CRISPLD2: variants seen among roughly 807,000 people sequenced by gnomAD.
The protein encoded by CRISPLD2 is cysteine rich secretory protein LCCL domain containing 2, also known as cysteine-rich secretory protein LCCL domain-containing 2.
Under a neutral mutation model 71.1 loss-of-function variants are expected in CRISPLD2, and 47 were observed. The ratio of observed to expected loss-of-function variants is 0.66; its 90% CI spans 0.52 to 0.84. CRISPLD2 has a LOEUF of 0.84. Among genes scored for constraint, CRISPLD2 ranks in the 40% least tolerant of loss-of-function variants. CRISPLD2 has a pLI of 0.00. For missense variants in CRISPLD2, 830 were observed against 651.1 expected (o/e 1.27, Z -2.99); for synonymous variants, 317 against 250.1 (o/e 1.27, Z -2.52).
rs145010869 is a variant in CRISPLD2, at chr16:84,877,102, T to G, written c.1157-336T>G. Among the ~76,000 whole-genome samples, 224 of 152,160 alleles carry G rather than the reference T, an allele frequency of 1.5e-3. 1 individual carries two copies. Among genetic ancestry groups the G allele is most frequent in the African/African-American group, 5.3e-3 (221 of 41,498 alleles). On this transcript the variant is annotated intron_variant, in intron 11 of 14. Coordinates refer to ENST00000262424, the MANE Select transcript of CRISPLD2 (RefSeq NM_031476.4). ...CATTTCCTCATCTGCCTACTTAGAG[T>G]AACACCTGCTGTGAGGAGCAAAGGT... is the stretch of plus-strand genomic sequence containing the variant.
intron 5 of CRISPLD2, among the ~76,000 whole-genome samples, chr16:84,853,118 C>A (rs2045615281): frequency 6.6e-6 from 1 of 152,154 alleles, no homozygotes; most frequent in Non-Finnish European, 1.5e-5. Flanking sequence ...GCCAGCCTTC[C>A]ACCAATGCCA....
At chr16:84,841,317 C>A (rs912331795) in intron 2 of CRISPLD2, among the ~76,000 whole-genome samples, 9 of 152,044 alleles carry the variant, frequency 5.9e-5, no homozygotes, top group Non-Finnish European at 1.2e-4. Context: ...TGAAAGCCAC[C>A]ACCGCCTCGT....
At chr16:84,883,764 G>T (rs1056345521) in intron 13 of CRISPLD2, among the ~76,000 whole-genome samples, 1 of 152,150 alleles carries the variant, frequency 6.6e-6, no homozygotes, top group Non-Finnish European at 1.5e-5. Flanking sequence ...GACAATCATG[G>T]AGGTGGCATT....
At position 84,866,939 on chromosome 16, in the gene CRISPLD2, A is replaced by C. The variant is rs531540489; in HGVS notation, c.752A>C (p.Glu251Ala). Residue 251 changes from glutamate to alanine, a missense_variant, in exon 7 of 15, where the codon GAG becomes GCG. By Grantham distance (107) the Glu-to-Ala change is moderately radical. Transcript: ENST00000262424. ...TPKPETDEMNEVETAPIPEEN... is the reference protein window; with the variant it reads ...TPKPETDEMNAVETAPIPEEN... ...AAACCTGAAACGGACGAGATGAATG[A>C]GGTGGAAACGGCTCCCATTCCTGAA... 6.2e-7 allele frequency: 1 copy of C among 1,614,008 alleles called. No homozygotes were observed. Among genetic ancestry groups the C allele is most frequent in the South Asian group, 1.1e-5 (1 of 91,074 alleles).
intron 3 of CRISPLD2, 39 bp from the exon 4 acceptor site, chr16:84,849,346 G>A: frequency 6.4e-7 from 1 of 1,573,932 alleles, no homozygotes; most frequent in Non-Finnish European, 8.7e-7. Flanking sequence ...GTGGGTGAGG[G>A]GAGGGGCTGG....
Position 84,849,248 on chromosome 16 carries a change from G to C in CRISPLD2, c.360-137G>C, listed in dbSNP as rs928232253. On this transcript the variant is annotated intron_variant, in intron 3 of 14. Transcript: ENST00000262424. ...TCCTCGGCCTCCCTCCCTCCCGGCT[G>C]CCCGTGGCTGCTCCTGGAATTGGCC... The C allele has an allele frequency of 1.3e-5, 11 of 833,380 alleles. 1 individual carries two copies. In the Middle Eastern group the frequency reaches 1.1e-3, roughly 85 times the overall value. 51.6% of individuals were successfully genotyped at this position (833,380 alleles called of 1,614,324 possible). A position where few individuals can be genotyped will look rare whatever the true frequency, so the allele number is the denominator to read the frequency against.
chr16:84,859,392 C>T (rs1293881927), intron 6 of CRISPLD2, among the ~76,000 whole-genome samples: 1 of 152,128 alleles, frequency 6.6e-6, no homozygotes, highest in African/African-American at 2.4e-5. Context: ...TCCAGTAGTC[C>T]CCAAAATGTC....
At chr16:84,822,946 T>C (rs4238714) in intron 1 of CRISPLD2, among the ~76,000 whole-genome samples, 66,659 of 151,910 alleles carry the variant, frequency 0.44, 15,046 homozygotes, top group African/African-American at 0.54. Context: ...TTGGAAGTAT[T>C]GTGCAGCCAC....
intron 6 of CRISPLD2, among the ~76,000 whole-genome samples, chr16:84,859,022 G>T (rs1917314831): frequency 6.6e-6 from 1 of 152,208 alleles, no homozygotes; most frequent in Non-Finnish European, 1.5e-5. Context: ...TGTCTTTCAA[G>T]TCCTTGATGG....
chr16:84,825,676 A>G (rs1021383267), intron 1 of CRISPLD2, among the ~76,000 whole-genome samples: 2 of 152,116 alleles, frequency 1.3e-5, no homozygotes, highest in African/African-American at 4.8e-5. Context: ...GAACCGCTTG[A>G]GCCTGGGAGG....
intron 11 of CRISPLD2, among the ~76,000 whole-genome samples, chr16:84,876,468 C>T (rs1567698113): frequency 6.6e-6 from 1 of 152,020 alleles, no homozygotes; most frequent in Non-Finnish European, 1.5e-5. Flanking sequence ...TGCCATGGCA[C>T]TCCAGCCTGG....
chr16:84,881,722 C>T (rs930375702), intron 13 of CRISPLD2, among the ~76,000 whole-genome samples: 2 of 152,094 alleles, frequency 1.3e-5, no homozygotes, highest in Admixed American at 6.6e-5. Context: ...GCGATCCTCC[C>T]TCCTTGGCCT....
At position 84,837,813 on chromosome 16, in the gene CRISPLD2, A is replaced by T. The variant is rs531968398; in HGVS notation, c.-74-609A>T. Among the ~76,000 whole-genome samples, 970 of 152,276 alleles carry T rather than the reference A, an allele frequency of 6.4e-3. 10 individuals carry two copies. Among genetic ancestry groups the T allele is most frequent in the African/African-American group, 0.023 (948 of 41,548 alleles). On this transcript the variant is annotated intron_variant, in intron 1 of 14. Transcript: ENST00000262424. ...AATAACATAAACGACCGGCCTGTGT[A>T]GGTGCTGATGAAGGGTTTTCTGAGG...
chr16:84,822,179 ACTGAGAGCCCCGT>A (rs201108415), intron 1 of CRISPLD2, among the ~76,000 whole-genome samples: 2,718 of 152,316 alleles, frequency 0.018, 38 homozygotes, highest in South Asian at 0.063. Context: ...GCTGACAGGT[ACTGAGAGCCCCGT>A]CCCAGGACCC....
At chr16:84,849,624 C>A in intron 4 of CRISPLD2, 107 bp downstream of exon 4, 4 of 1,244,628 alleles carry the variant, frequency 3.2e-6, no homozygotes, top group South Asian at 1.4e-5. Flanking sequence ...GCTGTTGTTG[C>A]CTTCATTTTT....
chr16:84,890,220 G>A (rs563030674), intron 14 of CRISPLD2, among the ~76,000 whole-genome samples: 16 of 152,138 alleles, frequency 1.1e-4, no homozygotes, highest in Admixed American at 7.2e-4. Context: ...TTAGCCAGGC[G>A]TGGTGGCACA....
intron 8 of CRISPLD2, among the ~76,000 whole-genome samples, chr16:84,869,348 G>A (rs1365397584): frequency 1.3e-5 from 2 of 152,214 alleles, no homozygotes; most frequent in South Asian, 4.1e-4. Flanking sequence ...AGAGTCAAAT[G>A]GGAAAACCAT....
intron 4 of CRISPLD2, 36 bp downstream of exon 4, chr16:84,849,553 C>A (rs773475049): frequency 6.2e-7 from 1 of 1,603,764 alleles, no homozygotes. Context: ...CAGCCCTGCC[C>A]CCCAATCCCA....
intron 14 of CRISPLD2, among the ~76,000 whole-genome samples, chr16:84,904,602 A>C (rs549255182): frequency 0.054 from 7,894 of 145,808 alleles, 240 homozygotes; most frequent in Non-Finnish European, 0.061. Flanking sequence ...GTAAAAAAAA[A>C]AATTTAAAAA....
Sources: allele counts gnomAD v4.1 joint callset (sites outside exome capture counted in the v4.1 genomes callset), GRCh38; gene constraint gnomAD v4.1.1; transcripts MANE v1.5; gene names NCBI Gene and HGNC (gene_info 2026-07-23, HGNC 2026-07-21).